The following CUZD1 variants were observed in gnomAD, a reference collection of about 807,000 sequenced individuals.
CUZD1 encodes the protein CUB and zona pellucida like domains 1.
Under a neutral mutation model 53.1 loss-of-function variants are expected in CUZD1, and 42 were observed. That is an observed-to-expected ratio of 0.79 (90% CI 0.62 to 1.02). The LOEUF is 1.02. CUZD1 is among the 50% of genes least tolerant of loss of function. CUZD1 has a pLI of 0.00. For synonymous variants in CUZD1, 238 were observed against 257.2 expected, an observed-to-expected ratio of 0.93 and a Z score of 0.71; for missense variants, 670 against 715.7, an observed-to-expected ratio of 0.94 and a Z score of 0.73.
At chr10:122,845,662 T>C in intron 1 of CUZD1, 100 bp downstream of exon 1, 1 of 872,112 alleles carries the variant, frequency 1.1e-6, no homozygotes, top group African/African-American at 1.7e-5. Flanking sequence ...TTCTCTGAAC[T>C]GGGGCCAACA....
rs1035904361 is a variant in CUZD1, at chr10:122,833,900, C to G, written c.1423G>C (p.Gly475Arg). The G allele has an allele frequency of 1.5e-5, 24 of 1,613,126 alleles. No homozygotes were observed. Among genetic ancestry groups the G allele is most frequent in the Admixed American group, 3.3e-5 (2 of 59,994 alleles). ...TTAAACTGGAATCTCCCATAGTGTC[C>G]AAATAAGGGATACACCTTACAAGTT... is the stretch of plus-strand genomic sequence containing the variant. Reference protein sequence around the residue: ...DETCKVYPLFGHYGRFQFNAF... With the variant: ...DETCKVYPLFRHYGRFQFNAF... The change falls in exon 8 of 9, where the codon GGA (glycine) becomes CGA (arginine). Residue 475 changes from glycine (G) to arginine (R), a missense_variant. Physicochemically the swap from Gly to Arg is moderately radical, Grantham distance 125. Coordinates refer to ENST00000392790, the MANE Select transcript of CUZD1 (RefSeq NM_022034.6).
rs1333313270 is a variant in CUZD1 at position 122,833,681 on chromosome 10, C to T, written c.1642G>A (p.Gly548Ser). ...IRLKRDRSASGNSGFQHETHA... is the reference protein window; with the variant it reads ...IRLKRDRSASSNSGFQHETHA... The stretch of plus-strand genomic sequence containing the variant: ...ATAGCTTTTTTCTTACCTGAATTGC[C>T]ACTTGCACTTCGATCCCTTTTCAGA... Residue 548 changes from glycine (G) to serine (S), a missense_variant, in exon 8 of 9, where the codon GGC becomes AGC. Gly to Ser is a moderately conservative substitution (Grantham distance 56, BLOSUM62 0). Transcript: ENST00000392790. 1 of 1,612,632 alleles carries T rather than the reference C, an allele frequency of 6.2e-7. No individual in the cohort carries two copies. The highest frequency in any genetic ancestry group is 1.7e-5 in the Admixed American group (1 of 59,924).
chr10:122,841,212 T>G lies in CUZD1; in HGVS notation c.199A>C (p.Asn67His). Residue 67 changes from asparagine to histidine, a missense_variant, in exon 2 of 9, where the codon AAC (asparagine) becomes CAC (histidine). By Grantham distance (68) the Asn-to-His change is moderately conservative. Transcript: ENST00000392790. ...NCTWTIERPE[N>H]KSIRIIFSYV... ...GAAAAGATAATTCTGATGCTTTTGT[T>G]TTCTGGTCTTTCTATTGTCCAGGTG... 6.2e-7 allele frequency: 1 copy of G among 1,613,860 alleles called. No individual in the cohort carries two copies. The highest frequency in any genetic ancestry group is 8.5e-7 in the Non-Finnish European group (1 of 1,179,874).
chr10:122,840,415 C>T (rs369438745), intron 2 of CUZD1, among the ~76,000 whole-genome samples: 3 of 152,024 alleles, frequency 2.0e-5, no homozygotes, highest in Admixed American at 6.5e-5. Flanking sequence ...CTGGGACAGG[C>T]GTAAGAGGGG....
intron 1 of CUZD1, among the ~76,000 whole-genome samples, chr10:122,843,935 T>C (rs2133819038): frequency 6.8e-6 from 1 of 147,542 alleles, no homozygotes; most frequent in Non-Finnish European, 1.5e-5. Context: ...AAAACATTGG[T>C]CTATATATAG....
intron 1 of CUZD1, among the ~76,000 whole-genome samples, chr10:122,844,638 C>T (rs1385357678): frequency 6.6e-6 from 1 of 152,012 alleles, no homozygotes; most frequent in Non-Finnish European, 1.5e-5. Context: ...GAGGCCAAAG[C>T]GGGTGGATCA....
rs909710199 is a variant in CUZD1 at position 122,834,743 on chromosome 10, C to T, written c.1345G>A (p.Asp449Asn). 1.2e-6 allele frequency: 2 copies of T among 1,610,888 alleles called. No individual in the cohort carries two copies. Among genetic ancestry groups the T allele is most frequent in the Non-Finnish European group, 1.7e-6 (2 of 1,178,120 alleles). Residue 449 changes from aspartate to asparagine, a missense_variant, in exon 7 of 9, where the codon GAC becomes AAC. Transcript: ENST00000392790. ...LDTCRASPTS[D>N]FASPTYDLIK... ...AGGTCGTAGGTTGGAGATGCAAAGT[C>T]AGAGGTGGGAGAGGCTCTACAGGTA... is the stretch of plus-strand genomic sequence containing the variant.
chr10:122,837,767 A>T (rs1847276507), intron 3 of CUZD1: 7 of 444,272 alleles, frequency 1.6e-5, no homozygotes, highest in Non-Finnish European at 2.7e-5. Context: ...ACTATTGCCA[A>T]ACGAATCATA....
chr10:122,836,718 C>T (rs2133813821), intron 5 of CUZD1, 113 bp downstream of exon 5: 1 of 767,830 alleles, frequency 1.3e-6, no homozygotes, highest in Non-Finnish European at 2.2e-6. Context: ...TTCCCAACTA[C>T]ATGTGACATG....
At chr10:122,841,991 G>C (rs1055156230) in intron 1 of CUZD1, among the ~76,000 whole-genome samples, 3 of 151,000 alleles carry the variant, frequency 2.0e-5, no homozygotes, top group Admixed American at 1.3e-4. Flanking sequence ...ATTGGGTTTT[G>C]AGAGTTTTTT....
chr10:122,835,169 C>A (rs1043936533), intron 6 of CUZD1, 72 bp from the exon 7 acceptor site: 3 of 1,205,154 alleles, frequency 2.5e-6, no homozygotes, highest in Non-Finnish European at 3.4e-6. Context: ...ATGTGGATAA[C>A]ATTTGCAGGT....
chr10:122,839,278 G>A lies in CUZD1; in HGVS notation c.234-47C>T, dbSNP rs771319979. 19 of 1,550,644 alleles carry A rather than the reference G, an allele frequency of 1.2e-5. No individual in the cohort carries two copies. In the East Asian group the frequency reaches 3.4e-4, roughly 27 times the overall value. On this transcript the variant is annotated intron_variant, in intron 2 of 8. Transcript: ENST00000392790. ...GGCTGAAGAAGTGTCACAAGCAAAGGGGGTTTGCAGAGCAGTCAATTGCTC... is the reference window on the plus strand; with the variant it reads ...GGCTGAAGAAGTGTCACAAGCAAAGAGGGTTTGCAGAGCAGTCAATTGCTC...
chr10:122,839,315 T>G, intron 2 of CUZD1, 84 bp from the exon 3 acceptor site: 1 of 1,189,186 alleles, frequency 8.4e-7, no homozygotes, highest in Non-Finnish European at 1.2e-6. Flanking sequence ...CCTAGGCATG[T>G]AAATTTACAA....
At chr10:122,833,015 T>A (rs1485559770) in intron 8 of CUZD1, among the ~76,000 whole-genome samples, 1 of 152,218 alleles carries the variant, frequency 6.6e-6, no homozygotes, top group Admixed American at 6.5e-5. Context: ...AGAACCATAC[T>A]CCTTTATAGT....
At chr10:122,838,949 C>T (rs975726316) in intron 3 of CUZD1, 68 bp downstream of exon 3, 20 of 1,214,522 alleles carry the variant, frequency 1.6e-5, no homozygotes, top group African/African-American at 1.4e-4. Context: ...TATAAGAACC[C>T]GGACAGAAGA....
chr10:122,834,362 C>T (rs1239424461), intron 7 of CUZD1, among the ~76,000 whole-genome samples: 4 of 152,118 alleles, frequency 2.6e-5, no homozygotes, highest in Non-Finnish European at 4.4e-5. Flanking sequence ...AGATAACGCA[C>T]ATGAAATAAT....
At chr10:122,839,383 A>C (rs1254492022) in intron 2 of CUZD1, 152 bp from the exon 3 acceptor site, 1 of 643,592 alleles carries the variant, frequency 1.6e-6, no homozygotes, top group African/African-American at 1.8e-5. Flanking sequence ...CAACCCCACC[A>C]TCCTCAACAT....
rs534228961 is a variant in CUZD1 at position 122,833,097 on chromosome 10, T to C, written c.1651+575A>G. Among the ~76,000 whole-genome samples, 438 of 152,352 alleles carry C rather than the reference T, an allele frequency of 2.9e-3. 2 individuals carry two copies. Among genetic ancestry groups the C allele is most frequent in the Non-Finnish European group, 4.5e-3 (308 of 68,034 alleles). ...CATTTACAACTAAAATAACTTCTTATAGTTTTTCTTTCATTAAGGCTTATC... is the reference window on the plus strand; with the variant it reads ...CATTTACAACTAAAATAACTTCTTACAGTTTTTCTTTCATTAAGGCTTATC... On this transcript the variant is annotated intron_variant, in intron 8 of 8. Coordinates refer to ENST00000392790, the MANE Select transcript of CUZD1 (RefSeq NM_022034.6).
intron 1 of CUZD1, 126 bp from the exon 2 acceptor site, chr10:122,841,454 G>GC: frequency 1.1e-6 from 1 of 894,638 alleles, no homozygotes; most frequent in Non-Finnish European, 1.6e-6. Context: ...ATGGTACTTA[G>GC]CTTTCTCCAA....
Sources: allele counts gnomAD v4.1 joint callset (sites outside exome capture counted in the v4.1 genomes callset), GRCh38; gene constraint gnomAD v4.1.1; transcripts MANE v1.5; gene names NCBI Gene and HGNC (gene_info 2026-07-23, HGNC 2026-07-21).